Variants in MTCL1 observed in about 807,000 individuals in gnomAD.
The protein encoded by MTCL1 is microtubule crosslinking factor 1.
Under a neutral mutation model 141.4 loss-of-function variants are expected in MTCL1, and 79 were observed. That is an observed-to-expected ratio of 0.56 (90% CI 0.47 to 0.67). The LOEUF is 0.67. Ranked by LOEUF, MTCL1 falls within the 30% of genes least tolerant of loss-of-function variation. The probability of loss-of-function intolerance (pLI) is 0.00; values close to 1 mark genes in which losing one functional copy is unlikely to be tolerated. For missense variants in MTCL1, 2,177 were observed against 2,113.9 expected, an observed-to-expected ratio of 1.03 and a Z score of -0.59; for synonymous variants, 914 against 875.8, an observed-to-expected ratio of 1.04 and a Z score of -0.77.
chr18:8,800,929 G>A (rs1466309347), intron 10 of MTCL1, among the ~76,000 whole-genome samples: 1 of 127,372 alleles, frequency 7.9e-6, no homozygotes, highest in African/African-American at 2.8e-5. Flanking sequence ...AAAAAAAAGT[G>A]TGAAGAACTT....
intron 10 of MTCL1, among the ~76,000 whole-genome samples, chr18:8,799,253 C>T (rs374406629): frequency 1.3e-5 from 2 of 152,230 alleles, no homozygotes; most frequent in East Asian, 3.9e-4. Flanking sequence ...AATGGGAGCA[C>T]GCTGTCGCCA....
chr18:8,774,253 A>AGTGTGTGTGTGT lies in MTCL1; in HGVS notation c.358-3580_358-3579insGTGTGTGTGTGT, dbSNP rs1568007863. Among the ~76,000 whole-genome samples, 64 of 100,060 alleles carry AGTGTGTGTGTGT rather than the reference A, an allele frequency of 6.4e-4. 1 individual carries two copies. The East Asian group carries it at 0.029, about 46-fold the overall frequency. The allele number at this position is 100,060 out of a possible 152,430, so 65.6% of individuals were successfully genotyped here. On this transcript the variant is annotated intron_variant, in intron 4 of 16. Transcript: ENST00000359865. ...CAAACACATACACACACTCTTTTCG[A>AGTGTGTGTGTGT]ATGTGTGTGTGTGTGTGTGTGTATT...
chr18:8,825,080 G>A (rs1459805174), exon 15 of MTCL1: 5 of 1,611,476 alleles, frequency 3.1e-6, no homozygotes, highest in African/African-American at 1.3e-5. Flanking sequence ...AGTCGGGGTT[G>A]CGCGTGTTAC....
At chr18:8,752,854 G>A (rs960575718) in intron 4 of MTCL1, among the ~76,000 whole-genome samples, 3 of 152,132 alleles carry the variant, frequency 2.0e-5, no homozygotes, top group African/African-American at 7.2e-5. Flanking sequence ...CTGGGCTTTG[G>A]ACAGTGCACA....
At chr18:8,713,776 G>A (rs688046), upstream of MTCL1, among the ~76,000 whole-genome samples, 42,476 of 152,026 alleles carry the variant, frequency 0.28, 6,826 homozygotes, top group East Asian at 0.58. Context: ...CAGTTTCCTC[G>A]TTTTAAAGAT....
exon 6 of MTCL1, chr18:8,784,727 G>A: frequency 1.2e-6 from 2 of 1,614,190 alleles, no homozygotes; most frequent in Non-Finnish European, 1.7e-6. Context: ...CATTGGGGAT[G>A]GCCTATCCCC....
exon 11 of MTCL1, chr18:8,807,029 A>G: frequency 6.2e-7 from 1 of 1,613,674 alleles, no homozygotes; most frequent in Non-Finnish European, 8.5e-7. Context: ...TGGGACGTGG[A>G]GTGGGCCGTG....
chr18:8,717,862 A>G (rs1283648165), intron 1 of MTCL1: 4 of 983,292 alleles, frequency 4.1e-6, no homozygotes, highest in Admixed American at 1.2e-4. Context: ...AACAGACCCA[A>G]TGTGTATTTA....
intron 4 of MTCL1, among the ~76,000 whole-genome samples, chr18:8,764,380 C>T (rs1329242838): frequency 1.3e-5 from 2 of 151,184 alleles, no homozygotes; most frequent in African/African-American, 4.9e-5. Flanking sequence ...TGCGGTGGTG[C>T]AATCTTGGCT....
chr18:8,806,358 TATTA>T (rs2076296308), intron 10 of MTCL1, among the ~76,000 whole-genome samples: 1 of 152,212 alleles, frequency 6.6e-6, no homozygotes, highest in Non-Finnish European at 1.5e-5. Context: ...CCTCGGTCTT[TATTA>T]ATTCTCCTCT....
exon 17 of MTCL1, chr18:8,831,891 A>G (rs2077203562): frequency 3.5e-6 from 5 of 1,442,654 alleles, no homozygotes; most frequent in Non-Finnish European, 4.7e-6. Flanking sequence ...AACAGGAGAG[A>G]TCTAGTTTTC....
chr18:8,777,733 C>A, intron 4 of MTCL1, 100 bp from the exon 4 acceptor site: 1 of 986,154 alleles, frequency 1.0e-6, no homozygotes. Context: ...AAACAGCCTC[C>A]GTTCAGTGTG....
At position 8,822,113 on chromosome 18, in the gene MTCL1, C is replaced by A. The variant is rs757810867; in HGVS notation, c.3188+615C>A. ...TCATCCTTGATTTTCCTCTGAACTT[C>A]GAGTCTGTGAATGACTGTCCTCTTC... is the stretch of plus-strand genomic sequence containing the variant. On this transcript the variant is annotated intron_variant, in intron 14 of 16. Transcript: ENST00000359865. This position sits in a 1 kb window ranked among gnomAD's most constrained non-coding sequence, Gnocchi z 4.6. Among the ~76,000 whole-genome samples, 7 of 152,204 alleles carry A rather than the reference C, an allele frequency of 4.6e-5. No homozygotes were observed. The highest frequency in any genetic ancestry group is 1.0e-4 in the Non-Finnish European group (7 of 68,034).
chr18:8,784,654 C>A, exon 6 of MTCL1: 1 of 1,614,020 alleles, frequency 6.2e-7, no homozygotes, highest in Non-Finnish European at 8.5e-7. Context: ...TGCTGGGGAC[C>A]ATCAACGCCA....
chr18:8,750,650 A>G (rs1598484838), intron 4 of MTCL1, among the ~76,000 whole-genome samples: 1 of 152,362 alleles, frequency 6.6e-6, no homozygotes, highest in Non-Finnish European at 1.5e-5. Context: ...CCAAATGCCT[A>G]TATCCAGAGG....
At chr18:8,789,614 C>G (rs1258983691) in intron 7 of MTCL1, 9 of 985,268 alleles carry the variant, frequency 9.1e-6, no homozygotes, top group Non-Finnish European at 1.1e-5. Context: ...TTACAATTGT[C>G]AAGACTAGTG....
chr18:8,728,564 C>T (rs950148758), intron 4 of MTCL1, among the ~76,000 whole-genome samples: 3 of 152,124 alleles, frequency 2.0e-5, no homozygotes, highest in East Asian at 1.9e-4. Context: ...CAGCATTCAC[C>T]GTCAGTCTGA....
intron 4 of MTCL1, among the ~76,000 whole-genome samples, chr18:8,772,419 C>A (rs995271292): frequency 6.6e-6 from 1 of 151,952 alleles, no homozygotes; most frequent in African/African-American, 2.4e-5. Flanking sequence ...ATTTTCCTGA[C>A]CTTTTTTTTT....
chr18:8,761,544 A>T (rs181561738), intron 4 of MTCL1, among the ~76,000 whole-genome samples: 1 of 152,098 alleles, frequency 6.6e-6, no homozygotes, highest in Non-Finnish European at 1.5e-5. Flanking sequence ...TTCTATCTCT[A>T]TGAATTTGTC....
Sources: gnomAD v4.1 joint callset for allele counts (sites outside exome capture counted in the v4.1 genomes callset) on GRCh38, gnomAD v4.1.1 for gene constraint, Gnocchi (gnomAD v3.1) non-coding constraint, MANE v1.5 for transcripts, NCBI Gene and HGNC (gene_info 2026-07-23, HGNC 2026-07-21) for gene names.